The following SMYD3 variants were observed in gnomAD, a reference collection of about 807,000 sequenced individuals.
SMYD3 encodes the protein histone-lysine N-methyltransferase SMYD3.
In SMYD3, 36 loss-of-function variants were observed where a neutral mutation model predicts 57.7. That is an observed-to-expected ratio of 0.62 (90% CI 0.48 to 0.82). The LOEUF is 0.82. Among genes scored for constraint, SMYD3 ranks in the 40% least tolerant of loss-of-function variants. SMYD3 has a pLI of 0.00. For synonymous variants in SMYD3, 211 were observed against 195.0 expected, an observed-to-expected ratio of 1.08 and a Z score of -0.68; for missense variants, 515 against 538.8, an observed-to-expected ratio of 0.96 and a Z score of 0.44.
At chr1:246,232,289 C>T (rs947314353) in intron 5 of SMYD3, among the ~76,000 whole-genome samples, 12 of 152,148 alleles carry the variant, frequency 7.9e-5, no homozygotes, top group South Asian at 2.1e-4. Flanking sequence ...ACTGTAACCA[C>T]GGAGAATTCT....
intron 5 of SMYD3, among the ~76,000 whole-genome samples, chr1:246,054,700 A>G (rs2060118180): frequency 6.6e-6 from 1 of 152,126 alleles, no homozygotes; most frequent in Admixed American, 6.5e-5. Context: ...ATCACTAATC[A>G]GCTGGGGCTG....
intron 4 of SMYD3, among the ~76,000 whole-genome samples, chr1:246,328,464 T>C (rs2065395049): frequency 6.6e-6 from 1 of 152,188 alleles, no homozygotes; most frequent in Non-Finnish European, 1.5e-5. Context: ...AGATGTTATT[T>C]ACCTAGCAGT....
At chr1:245,773,244 A>C (rs1317544841) in intron 10 of SMYD3, among the ~76,000 whole-genome samples, 1 of 152,202 alleles carries the variant, frequency 6.6e-6, no homozygotes, top group African/African-American at 2.4e-5. Context: ...ACACACAGGA[A>C]AGCCTGGAGT....
intron 1 of SMYD3, among the ~76,000 whole-genome samples, chr1:246,443,938 C>T (rs578238857): frequency 6.6e-6 from 1 of 151,398 alleles, no homozygotes; most frequent in African/African-American, 2.5e-5. Flanking sequence ...AAGTGCTAAT[C>T]TGCCTTCCCT....
chr1:246,074,170 A>C (rs941336982), intron 5 of SMYD3, among the ~76,000 whole-genome samples: 6 of 152,212 alleles, frequency 3.9e-5, no homozygotes, highest in Non-Finnish European at 8.8e-5. Flanking sequence ...CCAAAAGATT[A>C]GACACCCCTG....
intron 5 of SMYD3, among the ~76,000 whole-genome samples, chr1:246,130,585 T>C (rs2061572642): frequency 6.6e-6 from 1 of 152,174 alleles, no homozygotes; most frequent in Non-Finnish European, 1.5e-5. Context: ...AAAAATCCAA[T>C]TTTTATTCTC....
At chr1:246,479,942 A>G (rs2068080981) in intron 1 of SMYD3, among the ~76,000 whole-genome samples, 3 of 152,198 alleles carry the variant, frequency 2.0e-5, no homozygotes, top group Admixed American at 1.3e-4. Flanking sequence ...AAAGTCTCAC[A>G]TTAAATATCG....
At chr1:246,299,977 A>T (rs1398650231) in intron 5 of SMYD3, among the ~76,000 whole-genome samples, 3 of 151,994 alleles carry the variant, frequency 2.0e-5, no homozygotes, top group Admixed American at 1.3e-4. Context: ...GTTTACCTAT[A>T]AAACAGTCCT....
chr1:246,216,869 C>G (rs758175122), intron 5 of SMYD3, among the ~76,000 whole-genome samples: 4 of 152,078 alleles, frequency 2.6e-5, no homozygotes, highest in African/African-American at 4.8e-5. Context: ...TTCCCCTTGA[C>G]GGAGACGTGG....
chr1:246,247,461 CTCTCTA>C (rs1167639356), intron 5 of SMYD3, among the ~76,000 whole-genome samples: 4 of 96,004 alleles, frequency 4.2e-5, no homozygotes, highest in Non-Finnish European at 6.4e-5. Flanking sequence ...CTCTCTCTCT[CTCTCTA>C]TATATATATA....
At chr1:246,349,947 A>G (rs777745201) in intron 2 of SMYD3, among the ~76,000 whole-genome samples, 2 of 152,240 alleles carry the variant, frequency 1.3e-5, no homozygotes, top group East Asian at 3.8e-4. Flanking sequence ...TTGAATATCA[A>G]TGATCTAAAT....
rs138301823 is a variant in SMYD3, at chr1:245,845,710, A to G, written c.1076+12786T>C. Among the ~76,000 whole-genome samples the G allele has an allele frequency of 2.2e-4, 33 of 152,324 alleles. No individual in the cohort carries two copies. In the East Asian group the frequency reaches 5.4e-3, roughly 25 times the overall value. Reference sequence around the variant, plus strand: ...AAGCTCAATCCCCAGTGCATAACATAATGGCGGAGAGCTGCTGCTTCCTTC... The same window carrying G: ...AAGCTCAATCCCCAGTGCATAACATGATGGCGGAGAGCTGCTGCTTCCTTC... On this transcript the variant is annotated intron_variant, in intron 10 of 11. Coordinates refer to ENST00000490107, the MANE Select transcript of SMYD3 (RefSeq NM_001167740.2).
chr1:246,472,951 G>C (rs1395229134), intron 1 of SMYD3, among the ~76,000 whole-genome samples: 2 of 144,494 alleles, frequency 1.4e-5, no homozygotes, highest in Non-Finnish European at 3.0e-5. Flanking sequence ...TGTGCCTCCC[G>C]GGTTCAAGTG....
At chr1:246,277,011 G>A (rs1258683317) in intron 5 of SMYD3, among the ~76,000 whole-genome samples, 2 of 152,196 alleles carry the variant, frequency 1.3e-5, no homozygotes, top group African/African-American at 4.8e-5. Context: ...TGGGGGTAAT[G>A]AAAGTACTAA....
At chr1:246,473,776 T>G (rs1438754221) in intron 1 of SMYD3, among the ~76,000 whole-genome samples, 1 of 152,198 alleles carries the variant, frequency 6.6e-6, no homozygotes, top group Non-Finnish European at 1.5e-5. Context: ...GTACCACTCC[T>G]CCATGACTTA....
At chr1:246,431,756 G>C (rs918574279) in intron 1 of SMYD3, among the ~76,000 whole-genome samples, 8 of 151,828 alleles carry the variant, frequency 5.3e-5, no homozygotes, top group East Asian at 1.9e-4. Flanking sequence ...TAAATAAAAG[G>C]AGCAACTTTA....
rs113531695 is a variant in SMYD3, at chr1:245,828,837, G to A, written c.1076+29659C>T. Among the ~76,000 whole-genome samples, 14 of 152,128 alleles carry A rather than the reference G, an allele frequency of 9.2e-5. 2 individuals carry two copies. Among genetic ancestry groups the A allele is most frequent in the African/African-American group, 3.4e-4 (14 of 41,524 alleles). ...TGTGCCTCAGCCTCCCAAGTAACTG[G>A]GATTACAGGCATGAGCCCCCACGCC... On this transcript the variant is annotated intron_variant, in intron 10 of 11. Transcript: ENST00000490107.
chr1:246,458,299 T>A (rs1487008401), intron 1 of SMYD3, among the ~76,000 whole-genome samples: 1 of 152,050 alleles, frequency 6.6e-6, no homozygotes, highest in East Asian at 1.9e-4. Context: ...AAAGGAGAGT[T>A]AAAAGTGAGA....
At chr1:246,504,762 T>G (rs1303108125) in intron 1 of SMYD3, among the ~76,000 whole-genome samples, 1 of 152,206 alleles carries the variant, frequency 6.6e-6, no homozygotes, top group African/African-American at 2.4e-5. Context: ...TACTATGTGT[T>G]AGACACTGGG....
Sources: gnomAD v4.1 joint callset for allele counts (sites outside exome capture counted in the v4.1 genomes callset) on GRCh38, gnomAD v4.1.1 for gene constraint, MANE v1.5 for transcripts, NCBI Gene and HGNC (gene_info 2026-07-23, HGNC 2026-07-21) for gene names.